Variants in GLIS3 observed in about 807,000 individuals in gnomAD.
GLIS3 encodes the protein zinc finger protein GLIS3.
GLIS3 carries 53 observed loss-of-function variants against 78.6 expected under a neutral mutation model. That is an observed-to-expected ratio of 0.67 (90% confidence interval 0.54 to 0.85). GLIS3 has a LOEUF of 0.85. Among genes scored for constraint, GLIS3 ranks in the 40% least tolerant of loss-of-function variants. The pLI is 0.00. For missense variants in GLIS3, 1,703 were observed against 1,231.1 expected (o/e 1.38, Z -5.74); for synonymous variants, 684 against 509.9 (o/e 1.34, Z -4.60).
At chr9:3,970,297 G>C (rs77641040) in intron 4 of GLIS3, among the ~76,000 whole-genome samples, 1 of 152,218 alleles carries the variant, frequency 6.6e-6, no homozygotes, top group Non-Finnish European at 1.5e-5. Flanking sequence ...ATTTTTTAAT[G>C]GTGGAAAAAC....
chr9:4,245,767 T>C (rs1253825323), intron 2 of GLIS3, among the ~76,000 whole-genome samples: 1 of 152,198 alleles, frequency 6.6e-6, no homozygotes, highest in Non-Finnish European at 1.5e-5. Flanking sequence ...CATAAATATG[T>C]AGTTACTATG....
At chr9:3,836,629 A>AGACTTCAG (rs1818368214) in intron 9 of GLIS3, among the ~76,000 whole-genome samples, 1 of 152,190 alleles carries the variant, frequency 6.6e-6, no homozygotes, top group African/African-American at 2.4e-5. Flanking sequence ...CCAGGGAAAG[A>AGACTTCAG]AAAGAGGAAA....
chr9:4,268,317 A>T (rs563782976), intron 2 of GLIS3, among the ~76,000 whole-genome samples: 23 of 152,298 alleles, frequency 1.5e-4, no homozygotes, highest in East Asian at 5.8e-4. Context: ...AAAAATTAAA[A>T]TTTCAAGTAC....
chr9:3,946,828 T>TA (rs935332671), intron 4 of GLIS3, among the ~76,000 whole-genome samples: 3 of 152,218 alleles, frequency 2.0e-5, no homozygotes, highest in African/African-American at 7.2e-5. Context: ...AATTGCCCTT[T>TA]AAAAGCTGAG....
At chr9:4,251,585 T>A (rs907769833) in intron 2 of GLIS3, among the ~76,000 whole-genome samples, 14 of 152,164 alleles carry the variant, frequency 9.2e-5, no homozygotes, top group African/African-American at 1.7e-4. Context: ...TGCGTCTAAT[T>A]GGGGCATTTA....
At chr9:4,153,693 G>T (rs77224865) in intron 2 of GLIS3, among the ~76,000 whole-genome samples, 1 of 152,132 alleles carries the variant, frequency 6.6e-6, no homozygotes, top group Admixed American at 6.5e-5. Flanking sequence ...CAAATGAGTG[G>T]ATGAAAAGAG....
At chr9:4,039,251 T>C (rs979423804) in intron 4 of GLIS3, among the ~76,000 whole-genome samples, 4 of 152,194 alleles carry the variant, frequency 2.6e-5, no homozygotes, top group Non-Finnish European at 5.9e-5. Context: ...TCTGCATATA[T>C]TATGTAATTG....
chr9:4,323,700 C>A (rs975292790), intron 2 of GLIS3, among the ~76,000 whole-genome samples: 1 of 152,142 alleles, frequency 6.6e-6, no homozygotes, highest in Non-Finnish European at 1.5e-5. Flanking sequence ...ACCATAGCAG[C>A]CTCACATCTG....
intron 2 of GLIS3, among the ~76,000 whole-genome samples, chr9:4,346,029 G>A (rs1817893454): frequency 6.7e-6 from 1 of 149,986 alleles, no homozygotes; most frequent in Admixed American, 6.6e-5. Flanking sequence ...AGATCTAGGA[G>A]ACAAAAAATA....
chr9:3,929,371 C>A (rs1442158043), intron 6 of GLIS3, among the ~76,000 whole-genome samples: 4 of 152,036 alleles, frequency 2.6e-5, no homozygotes, highest in Admixed American at 6.5e-5. Context: ...CTTTTCACAG[C>A]TTGAATAATG....
the GLIS3 span, among the ~76,000 whole-genome samples, chr9:4,480,747 C>A: frequency 6.6e-6 from 1 of 151,502 alleles, no homozygotes; most frequent in African/African-American, 2.4e-5. Flanking sequence ...ACCCTTAACA[C>A]ACACATACAT....
At chr9:4,224,281 A>C (rs1821576540) in intron 2 of GLIS3, among the ~76,000 whole-genome samples, 1 of 152,216 alleles carries the variant, frequency 6.6e-6, no homozygotes, top group African/African-American at 2.4e-5. Flanking sequence ...GTCTTAAAAA[A>C]ATATTCAATC....
chr9:4,306,761 C>T (rs1817237346), intron 4 of GLIS3, among the ~76,000 whole-genome samples: 1 of 152,190 alleles, frequency 6.6e-6, no homozygotes, highest in African/African-American at 2.4e-5. Context: ...CATCCTTGAA[C>T]ATCCTCCCCA....
chr9:4,052,334 A>C (rs941456260), intron 4 of GLIS3, among the ~76,000 whole-genome samples: 2 of 152,168 alleles, frequency 1.3e-5, no homozygotes, highest in Non-Finnish European at 2.9e-5. Flanking sequence ...TTGTGGTAAA[A>C]TTCATGTTAA....
the GLIS3 span, among the ~76,000 whole-genome samples, chr9:4,477,426 T>C: frequency 6.6e-6 from 1 of 151,884 alleles, no homozygotes. Context: ...GGCTGGGTTT[T>C]TTTTTGAGAT....
At chr9:4,089,026 G>T (rs1426188487) in intron 4 of GLIS3, among the ~76,000 whole-genome samples, 3 of 152,220 alleles carry the variant, frequency 2.0e-5, no homozygotes, top group Non-Finnish European at 2.9e-5. Flanking sequence ...AAACAAAGCT[G>T]GTAGAAAGAC....
At chr9:3,891,863 T>C (rs1869690) in intron 7 of GLIS3, among the ~76,000 whole-genome samples, 91,838 of 151,956 alleles carry the variant, frequency 0.6, 29,212 homozygotes, top group Admixed American at 0.73. Context: ...GTACATCCAC[T>C]TCTCAGAAAT....
intron 9 of GLIS3, among the ~76,000 whole-genome samples, chr9:3,852,713 A>T (rs919931820): frequency 6.6e-6 from 1 of 151,952 alleles, no homozygotes; most frequent in African/African-American, 2.4e-5. Context: ...CTACATCTGG[A>T]TACCTACCAA....
chr9:3,997,318 C>A (rs1013656109), intron 4 of GLIS3, among the ~76,000 whole-genome samples: 3 of 151,850 alleles, frequency 2.0e-5, no homozygotes, highest in Non-Finnish European at 4.4e-5. Flanking sequence ...TGCACCCCAG[C>A]CTGGGCAAGA....
Sources: gnomAD v4.1 joint callset for allele counts (sites outside exome capture counted in the v4.1 genomes callset) on GRCh38, gnomAD v4.1.1 for gene constraint, MANE v1.5 for transcripts, NCBI Gene and HGNC (gene_info 2026-07-23, HGNC 2026-07-21) for gene names.